NR5A2: variants seen among roughly 807,000 people sequenced by gnomAD.
NR5A2 encodes CYP7A promoter-binding factor.
Under a neutral mutation model 62.7 loss-of-function variants are expected in NR5A2, and 26 were observed. The ratio of observed to expected loss-of-function variants is 0.41; its 90% confidence interval spans 0.30 to 0.58. NR5A2 has a LOEUF of 0.58. Ranked by LOEUF, NR5A2 falls within the 20% of genes least tolerant of loss-of-function variation. The pLI, the probability that NR5A2 is intolerant of heterozygous loss-of-function variation, is 0.22. For missense variants in NR5A2, 541 were observed against 669.1 expected, an observed-to-expected ratio of 0.81 and a Z score of 2.11; for synonymous variants, 246 against 241.7, an observed-to-expected ratio of 1.02 and a Z score of -0.16.
chr1:200,116,148 G>A (rs1231267753), intron 6 of NR5A2, among the ~76,000 whole-genome samples: 1 of 152,136 alleles, frequency 6.6e-6, no homozygotes, highest in Non-Finnish European at 1.5e-5. Flanking sequence ...CAGGAATGAA[G>A]TCCCAACACA....
Position 200,048,950 on chromosome 1 carries a change from C to A in NR5A2, c.1110+132C>A. The A allele has an allele frequency of 2.6e-6, 3 of 1,162,648 alleles. No homozygotes were observed. The highest frequency in any genetic ancestry group is 3.6e-6 in the Non-Finnish European group (3 of 828,666). 72.0% of individuals were successfully genotyped at this position (1,162,648 alleles called of 1,614,324 possible). On this transcript the variant is annotated intron_variant, in intron 5 of 7. Coordinates refer to ENST00000367362, the MANE Select transcript of NR5A2 (RefSeq NM_205860.3). The surrounding 1 kb of genome is among the most constrained non-coding windows in gnomAD (Gnocchi z 4.8). ...TACTTTGTATGATTTACAGAGTAGA[C>A]GTAATTTTATTACCTTGACTTCAGG...
intron 5 of NR5A2, among the ~76,000 whole-genome samples, chr1:200,085,134 A>G (rs535068732): frequency 1.6e-4 from 25 of 152,258 alleles, no homozygotes; most frequent in African/African-American, 4.8e-4. Context: ...AGTGACATGT[A>G]TGTACCCTTT....
At chr1:200,087,288 C>T (rs978240869) in intron 5 of NR5A2, among the ~76,000 whole-genome samples, 12 of 151,910 alleles carry the variant, frequency 7.9e-5, no homozygotes, top group African/African-American at 2.4e-4. Flanking sequence ...AAAGCTTATT[C>T]TCAAGAAAGG....
At position 200,166,197 on chromosome 1, in the gene NR5A2, C is replaced by T. The variant is rs139984038; in HGVS notation, c.1379-7766C>T. ...AAGTGGTTTTCAAACATTTTTGATCCGTGGGAGCTTTTTTTCTAAACCATG... is the reference window on the plus strand; with the variant it reads ...AAGTGGTTTTCAAACATTTTTGATCTGTGGGAGCTTTTTTTCTAAACCATG... On this transcript the variant is annotated intron_variant, in intron 7 of 7. Coordinates refer to ENST00000367362, the MANE Select transcript of NR5A2 (RefSeq NM_205860.3). 3.0e-3 allele frequency among the ~76,000 whole-genome samples: 449 copies of T among 152,148 alleles called. 3 individuals carry two copies. The highest frequency in any genetic ancestry group is 0.01 in the African/African-American group (426 of 41,496).
chr1:200,165,736 A>G (rs1207855544), intron 7 of NR5A2, among the ~76,000 whole-genome samples: 1 of 152,222 alleles, frequency 6.6e-6, no homozygotes. Flanking sequence ...ACCACAGTCT[A>G]ACCATTCACA....
chr1:200,143,035 G>T (rs952553741), intron 7 of NR5A2, among the ~76,000 whole-genome samples: 3 of 151,114 alleles, frequency 2.0e-5, no homozygotes, highest in Non-Finnish European at 1.5e-5. Context: ...TATGTAAAAA[G>T]TGTGTGTGTA....
At chr1:200,072,384 C>T (rs1663776275) in intron 5 of NR5A2, among the ~76,000 whole-genome samples, 1 of 152,076 alleles carries the variant, frequency 6.6e-6, no homozygotes, top group Non-Finnish European at 1.5e-5. Flanking sequence ...AGCAATTTTG[C>T]TTCAGTATCT....
chr1:200,043,670 C>T (rs1218110530), intron 2 of NR5A2, 104 bp from the exon 3 acceptor site: 5 of 618,768 alleles, frequency 8.1e-6, no homozygotes, highest in South Asian at 2.6e-5. Context: ...TATATTTTAC[C>T]ATGTGATATT....
intron 7 of NR5A2, among the ~76,000 whole-genome samples, chr1:200,133,564 T>TAC (rs1667077071): frequency 1.6e-5 from 2 of 123,808 alleles, no homozygotes; most frequent in Non-Finnish European, 3.2e-5. Context: ...TATACACACA[T>TAC]ATATATATAC....
intron 7 of NR5A2, among the ~76,000 whole-genome samples, chr1:200,171,073 T>C (rs1654154178): frequency 6.6e-6 from 1 of 152,106 alleles, no homozygotes; most frequent in Admixed American, 6.6e-5. Flanking sequence ...GACAGTTAAA[T>C]AGACAGAAGC....
At chr1:200,055,469 G>A (rs763576426) in intron 5 of NR5A2, among the ~76,000 whole-genome samples, 2 of 151,930 alleles carry the variant, frequency 1.3e-5, no homozygotes, top group Admixed American at 6.6e-5. Flanking sequence ...GTTTACAGGC[G>A]TGAACCACTG....
chr1:200,098,218 C>T (rs1665191123), intron 5 of NR5A2, among the ~76,000 whole-genome samples: 3 of 152,084 alleles, frequency 2.0e-5, no homozygotes, highest in African/African-American at 7.2e-5. Context: ...AAATGCTAGG[C>T]CTCAGTTCAT....
chr1:200,121,411 A>G (rs959737396), intron 7 of NR5A2, among the ~76,000 whole-genome samples: 9 of 152,224 alleles, frequency 5.9e-5, no homozygotes, highest in African/African-American at 2.2e-4. Context: ...TTAAATCTCT[A>G]TCGGGATTAA....
chr1:200,169,515 T>A (rs1295260159), intron 7 of NR5A2, among the ~76,000 whole-genome samples: 1 of 152,158 alleles, frequency 6.6e-6, no homozygotes, highest in Non-Finnish European at 1.5e-5. Flanking sequence ...AGAGCCTGAA[T>A]GTTGTGTGTG....
chr1:200,161,827 C>T (rs1571576765), intron 7 of NR5A2, among the ~76,000 whole-genome samples: 5 of 152,138 alleles, frequency 3.3e-5, no homozygotes, highest in Admixed American at 3.3e-4. Context: ...GCTTTGTATT[C>T]ATGGGCACTG....
rs1254906180 is a variant in NR5A2 at position 200,175,191 on chromosome 1, T to A, written c.*981T>A. 1 of 152,572 alleles carries A rather than the reference T, an allele frequency of 6.6e-6. No homozygotes were observed. The highest frequency in any genetic ancestry group is 1.5e-5 in the Non-Finnish European group (1 of 68,034). The allele number at this position is 152,572 out of a possible 1,614,324, so 9.5% of individuals were successfully genotyped here. On this transcript the variant is annotated 3_prime_UTR_variant, in exon 8 of 8. Coordinates refer to ENST00000367362, the MANE Select transcript of NR5A2 (RefSeq NM_205860.3). ...AAACACATTTTGCTAGGATGTCAAA[T>A]AGTCACAGTTCTAAGTAGTTGGAAA...
intron 5 of NR5A2, among the ~76,000 whole-genome samples, chr1:200,073,396 T>C (rs1207832658): frequency 6.7e-6 from 1 of 149,932 alleles, no homozygotes; most frequent in Non-Finnish European, 1.5e-5. Context: ...CTGTGGGGGA[T>C]TGGTTTCAGG....
chr1:200,050,168 A>G (rs1473953639), intron 5 of NR5A2, among the ~76,000 whole-genome samples: 1 of 152,164 alleles, frequency 6.6e-6, no homozygotes, highest in East Asian at 1.9e-4. Flanking sequence ...GTTTGTAACC[A>G]CTCTATGATA....
At chr1:200,058,190 T>C (rs1198341079) in intron 5 of NR5A2, 1 of 152,222 alleles carries the variant, frequency 6.6e-6, no homozygotes, top group African/African-American at 2.4e-5. Context: ...TTTGGGAGCA[T>C]GGATGTAACT....
Sources: allele counts gnomAD v4.1 joint callset (sites outside exome capture counted in the v4.1 genomes callset), GRCh38; gene constraint gnomAD v4.1.1; non-coding constraint Gnocchi (gnomAD v3.1); transcripts MANE v1.5; gene names NCBI Gene and HGNC (gene_info 2026-07-23, HGNC 2026-07-21).